Variants in WASF2 observed in about 807,000 individuals in gnomAD.
WASF2 encodes actin-binding protein WASF2.
In WASF2, 14 loss-of-function variants were observed where a neutral mutation model predicts 45.0. The ratio of observed to expected loss-of-function variants is 0.31; its 90% CI spans 0.21 to 0.49. The LOEUF (loss-of-function observed/expected upper bound fraction) is 0.49. Ranked by LOEUF, WASF2 falls within the 20% of genes least tolerant of loss-of-function variation. The probability of loss-of-function intolerance (pLI) is 0.99; values close to 1 mark genes in which losing one functional copy is unlikely to be tolerated. For synonymous variants in WASF2, 200 were observed against 236.3 expected (o/e 0.85, Z 1.41); for missense variants, 439 against 636.1 (o/e 0.69, Z 3.33).
intron 1 of WASF2, among the ~76,000 whole-genome samples, chr1:27,439,582 A>G (rs1335511974): frequency 6.6e-6 from 1 of 152,222 alleles, no homozygotes; most frequent in Non-Finnish European, 1.5e-5. Context: ...TTTAGTTCAG[A>G]GAGAGAGAAA....
rs963057141 is a variant in WASF2, at chr1:27,418,499, G to A, written c.266-77C>T. 9.5e-6 allele frequency: 15 copies of A among 1,586,786 alleles called. No homozygotes were observed. In the East Asian group the frequency reaches 3.4e-4, roughly 36 times the overall value. On this transcript the variant is annotated intron_variant, in intron 3 of 8. Transcript: ENST00000618852. ...ACACTGAGTCACACCAGTCGGAGAG[G>A]CCTCAGCTGCTGCACTTCTTGGCTG...
chr1:27,408,805 GGT>G (rs988811991), intron 8 of WASF2, among the ~76,000 whole-genome samples: 1 of 151,944 alleles, frequency 6.6e-6, no homozygotes, highest in African/African-American at 2.4e-5. Context: ...GTTCCAGGAG[GGT>G]GAGATGATGA....
intron 1 of WASF2, among the ~76,000 whole-genome samples, chr1:27,475,607 T>G (rs534928566): frequency 7.9e-4 from 120 of 152,244 alleles, no homozygotes; most frequent in Middle Eastern, 3.4e-3. Context: ...ATCACAATCT[T>G]TAACTTTTTA....
At chr1:27,486,476 A>G (rs766410010) in intron 1 of WASF2, among the ~76,000 whole-genome samples, 14 of 152,214 alleles carry the variant, frequency 9.2e-5, no homozygotes, top group Admixed American at 4.6e-4. Flanking sequence ...TGTCTTCACA[A>G]CTATCACATA....
chr1:27,420,514 C>CTTTTTTTTTTTTT (rs782294669), intron 2 of WASF2, among the ~76,000 whole-genome samples: 1 of 82,490 alleles, frequency 1.2e-5, no homozygotes. Flanking sequence ...ACCATCTGAG[C>CTTTTTTTTTTTTT]TTTTTTTTTT....
chr1:27,409,226 C>T (rs1271151171), intron 8 of WASF2, among the ~76,000 whole-genome samples: 2 of 151,766 alleles, frequency 1.3e-5, no homozygotes, highest in South Asian at 2.1e-4. Flanking sequence ...AGATCAAGAC[C>T]ATCCTGGCTA....
In WASF2 at chr1:27,405,596, A is replaced by G. The variant is rs1350546659; in HGVS notation, c.*2593T>C. 3 of 114,196 alleles carry G rather than the reference A, an allele frequency of 2.6e-5. No homozygotes were observed. Among genetic ancestry groups the G allele is most frequent in the African/African-American group, 6.5e-5 (2 of 30,886 alleles). 7.1% of individuals were successfully genotyped at this position (114,196 alleles called of 1,614,324 possible). On this transcript the variant is annotated 3_prime_UTR_variant, in exon 9 of 9. Transcript: ENST00000618852. ...TCTTAAAGGGCTCTGGGTCTAAAGA[A>G]GCCTTTTTTTTTTTTTTTTTTTTTT...
intron 7 of WASF2, among the ~76,000 whole-genome samples, chr1:27,411,365 C>T (rs971988980): frequency 9.2e-5 from 14 of 152,216 alleles, no homozygotes; most frequent in African/African-American, 3.4e-4. Context: ...CAGGGACATG[C>T]ACAAATATCA....
chr1:27,427,985 G>A (rs2017011011), intron 2 of WASF2, among the ~76,000 whole-genome samples: 1 of 151,926 alleles, frequency 6.6e-6, no homozygotes, highest in Non-Finnish European at 1.5e-5. Context: ...CAAACCACAT[G>A]CATGTACCCC....
chr1:27,408,777 T>C (rs1433822935), intron 8 of WASF2, among the ~76,000 whole-genome samples: 2 of 148,618 alleles, frequency 1.3e-5, no homozygotes, highest in Non-Finnish European at 3.0e-5. Flanking sequence ...TGGCCCCTGA[T>C]AGAATAAATG....
chr1:27,423,114 CTGGGCAACGGAG>C (rs2016931000), intron 2 of WASF2, among the ~76,000 whole-genome samples: 2 of 148,946 alleles, frequency 1.3e-5, no homozygotes, highest in South Asian at 4.2e-4. Flanking sequence ...TCACTTCAGC[CTGGGCAACGGAG>C]TGAGACTCCA....
chr1:27,461,631 T>A (rs2017546590), intron 1 of WASF2, among the ~76,000 whole-genome samples: 1 of 150,590 alleles, frequency 6.6e-6, no homozygotes, highest in African/African-American at 2.4e-5. Flanking sequence ...CCCAGCTAAT[T>A]TTTTTTTTTA....
At chr1:27,441,732 T>TG (rs1334292218) in intron 1 of WASF2, among the ~76,000 whole-genome samples, 5 of 106,200 alleles carry the variant, frequency 4.7e-5, no homozygotes, top group Non-Finnish European at 8.9e-5. Flanking sequence ...CCAGGCTGGG[T>TG]GACAGAGCGA....
intron 1 of WASF2, among the ~76,000 whole-genome samples, chr1:27,460,721 C>T (rs561690399): frequency 6.6e-6 from 1 of 152,276 alleles, no homozygotes; most frequent in South Asian, 2.1e-4. Flanking sequence ...ACAGATATAC[C>T]TCATTTATCT....
intron 1 of WASF2, among the ~76,000 whole-genome samples, chr1:27,479,146 C>T (rs1412864266): frequency 2.6e-5 from 4 of 151,668 alleles, no homozygotes; most frequent in African/African-American, 9.7e-5. Flanking sequence ...ATTAGCCAGG[C>T]GTGGTGGCAG....
rs547510272 is a variant in WASF2 at position 27,421,402 on chromosome 1, G to A, written c.131-2314C>T. ...TCTGTTAAAAATAAAAGAAGGCTAG[G>A]CATGGTGGCTCATGCCTGTAATCCC... On this transcript the variant is annotated intron_variant, in intron 2 of 8. Coordinates refer to ENST00000618852, the MANE Select transcript of WASF2 (RefSeq NM_006990.5). Among the ~76,000 whole-genome samples the A allele has an allele frequency of 5.9e-5, 9 of 152,322 alleles. No individual in the cohort carries two copies. The East Asian group carries it at 1.7e-3, about 29-fold the overall frequency.
intron 1 of WASF2, among the ~76,000 whole-genome samples, chr1:27,483,990 A>T (rs191780992): frequency 2.0e-5 from 3 of 152,130 alleles, no homozygotes; most frequent in African/African-American, 7.2e-5. Flanking sequence ...CCCATTCCCT[A>T]GTCCAATCAC....
At chr1:27,451,029 A>T (rs1422923650) in intron 1 of WASF2, among the ~76,000 whole-genome samples, 2 of 151,952 alleles carry the variant, frequency 1.3e-5, no homozygotes, top group African/African-American at 4.8e-5. Context: ...TAGGCAACAT[A>T]GTGAGATCCC....
At chr1:27,455,039 A>G (rs1233797351) in intron 1 of WASF2, among the ~76,000 whole-genome samples, 1 of 152,118 alleles carries the variant, frequency 6.6e-6, no homozygotes, top group Non-Finnish European at 1.5e-5. Flanking sequence ...ATGAGACAAT[A>G]CCAAATTGTT....
Sources: allele counts gnomAD v4.1 joint callset (sites outside exome capture counted in the v4.1 genomes callset), GRCh38; gene constraint gnomAD v4.1.1; transcripts MANE v1.5; gene names NCBI Gene and HGNC (gene_info 2026-07-23, HGNC 2026-07-21).